The following SCAMP2 variants were observed in gnomAD, a reference collection of about 807,000 sequenced individuals.
SCAMP2 encodes secretory carrier membrane protein 2.
Under a neutral mutation model 44.1 loss-of-function variants are expected in SCAMP2, and 25 were observed. The ratio of observed to expected loss-of-function variants is 0.57; its 90% CI spans 0.41 to 0.79. The LOEUF is 0.79. Ranked by LOEUF, SCAMP2 falls within the 30% of genes least tolerant of loss-of-function variation. The pLI, the probability that SCAMP2 is intolerant of heterozygous loss-of-function variation, is 0.00. For missense variants in SCAMP2, 355 were observed against 411.0 expected (o/e 0.86, Z 1.18); for synonymous variants, 156 against 166.0 (o/e 0.94, Z 0.46).
chr15:74,871,104 C>G (rs1227712117), intron 1 of SCAMP2, among the ~76,000 whole-genome samples: 1 of 152,156 alleles, frequency 6.6e-6, no homozygotes, highest in Non-Finnish European at 1.5e-5. Context: ...AGTTCAGCCC[C>G]TCATGGTGGA....
In SCAMP2 at chr15:74,850,646, A is replaced by T; in HGVS notation, c.500T>A (p.Leu167Gln). Residue 167 changes from leucine (L) to glutamine (Q), a missense_variant, in exon 6 of 9, where the codon CTG (leucine) becomes CAG (glutamine). Physicochemically the swap from Leu to Gln is moderately radical, Grantham distance 113 (BLOSUM62 -2). Transcript: ENST00000268099. Reference protein sequence around the residue: ...MLHSVTLFLNLLACLAWFSGN... With the variant: ...MLHSVTLFLNQLACLAWFSGN... ...CGAGAACCAGGCCAGGCAGGCAAGC[A>T]GGTTCAGAAACAGAGTCACTGAATG... The T allele has an allele frequency of 6.2e-7, 1 of 1,614,092 alleles. No homozygotes were observed. Among genetic ancestry groups the T allele is most frequent in the Non-Finnish European group, 8.5e-7 (1 of 1,179,966 alleles).
intron 1 of SCAMP2, among the ~76,000 whole-genome samples, chr15:74,856,262 TTC>T (rs954210474): frequency 6.1e-5 from 8 of 131,808 alleles, no homozygotes; most frequent in African/African-American, 1.8e-4. Flanking sequence ...GCAGAGCCAG[TTC>T]TTTTTTTTTT....
At chr15:74,853,052 T>A (rs1029031324) in intron 3 of SCAMP2, 25 of 247,426 alleles carry the variant, frequency 1.0e-4, no homozygotes, top group African/African-American at 5.7e-4. Context: ...CACACACACA[T>A]GTATACACAC....
chr15:74,845,307 G>T, intron 8 of SCAMP2, 90 bp from the exon 9 acceptor site: 1 of 1,585,718 alleles, frequency 6.3e-7, no homozygotes. Context: ...GGGGTCACCA[G>T]AAGCCTGGCA....
chr15:74,857,400 C>T (rs530310347), intron 1 of SCAMP2, among the ~76,000 whole-genome samples: 7 of 152,356 alleles, frequency 4.6e-5, no homozygotes, highest in African/African-American at 1.7e-4. Context: ...ATCTGGCTTC[C>T]TGCAAGGAAG....
chr15:74,848,918 C>A (rs1234941237), intron 6 of SCAMP2, among the ~76,000 whole-genome samples: 2 of 152,060 alleles, frequency 1.3e-5, no homozygotes, highest in Non-Finnish European at 2.9e-5. Flanking sequence ...TTTAAGGGGT[C>A]AGTGCTTGAC....
At chr15:74,865,793 A>AAC (rs2064538303) in intron 1 of SCAMP2, among the ~76,000 whole-genome samples, 1 of 149,650 alleles carries the variant, frequency 6.7e-6, no homozygotes, top group African/African-American at 2.5e-5. Flanking sequence ...TCCAAAAAAA[A>AAC]AAAAAAAAAA....
At chr15:74,862,821 CAAAAAAAAAA>C (rs71434242) in intron 1 of SCAMP2, among the ~76,000 whole-genome samples, 1 of 26,372 alleles carries the variant, frequency 3.8e-5, no homozygotes, top group Non-Finnish European at 7.1e-5. Flanking sequence ...GACTCCATCT[CAAAAAAAAAA>C]AAAAAAACAA....
chr15:74,850,622 G>A lies in SCAMP2; in HGVS notation c.524C>T (p.Ser175Leu), dbSNP rs756198773. ...LNLLACLAWF[S>L]GNSSKGVDFG... ...GTCCACTCCCTTGGAGCTGTTGCCC[G>A]AGAACCAGGCCAGGCAGGCAAGCAG... Residue 175 changes from serine to leucine, a missense_variant, in exon 6 of 9, where the codon TCG becomes TTG. Transcript: ENST00000268099. The A allele has an allele frequency of 7.4e-6, 12 of 1,614,022 alleles. No homozygotes were observed. Among genetic ancestry groups the A allele is most frequent in the South Asian group, 4.4e-5 (4 of 91,090 alleles).
intron 7 of SCAMP2, among the ~76,000 whole-genome samples, chr15:74,847,920 G>T (rs757044253): frequency 6.6e-6 from 1 of 152,174 alleles, no homozygotes; most frequent in Non-Finnish European, 1.5e-5. Context: ...GTCTGCAAAG[G>T]CCTGGGCATC....
intron 1 of SCAMP2, among the ~76,000 whole-genome samples, chr15:74,862,851 C>CAT (rs1331046608): frequency 9.5e-5 from 2 of 20,990 alleles, no homozygotes; most frequent in Non-Finnish European, 3.3e-4. Flanking sequence ...AAAAACAAAC[C>CAT]ATACACACAC....
chr15:74,866,018 A>G (rs1433500351), intron 1 of SCAMP2, among the ~76,000 whole-genome samples: 263 of 52,530 alleles, frequency 5.0e-3, no homozygotes, highest in African/African-American at 9.5e-3. Flanking sequence ...AAGGAAGGAA[A>G]GGAGGGAGGG....
At position 74,844,784 on chromosome 15, in the gene SCAMP2, CTGTG is replaced by C; in HGVS notation, c.*295_*298del. 3.4e-6 allele frequency: 1 copy of C among 295,604 alleles called. No individual in the cohort carries two copies. Among genetic ancestry groups the C allele is most frequent in the South Asian group, 4.8e-5 (1 of 20,982 alleles). The allele number at this position is 295,604 out of a possible 1,614,324, so 18.3% of individuals were successfully genotyped here. The stretch of plus-strand genomic sequence containing the variant: ...TGTGATCCCAACTGTGTGGGGGTGT[CTGTG>C]TGTGCACAGGACGAAGAGAACTTCA... On this transcript the variant is annotated 3_prime_UTR_variant, in exon 9 of 9. Transcript: ENST00000268099.
chr15:74,849,227 T>G (rs1035412635), intron 6 of SCAMP2, among the ~76,000 whole-genome samples: 1 of 152,080 alleles, frequency 6.6e-6, no homozygotes, highest in African/African-American at 2.4e-5. Flanking sequence ...ATAATAAAAC[T>G]GTATGAGGCC....
chr15:74,856,784 T>TG (rs1442284522), intron 1 of SCAMP2, among the ~76,000 whole-genome samples: 2 of 151,816 alleles, frequency 1.3e-5, no homozygotes, highest in Non-Finnish European at 2.9e-5. Context: ...TTTGTAGAGA[T>TG]GGGGTCTTGC....
chr15:74,848,759 C>T, intron 6 of SCAMP2, 58 bp from the exon 7 acceptor site: 4 of 1,286,874 alleles, frequency 3.1e-6, no homozygotes, highest in Non-Finnish European at 4.4e-6. Flanking sequence ...CCTCAGCATC[C>T]TTACTTGGTG....
chr15:74,859,987 G>A (rs538775391), intron 1 of SCAMP2, among the ~76,000 whole-genome samples: 198 of 152,268 alleles, frequency 1.3e-3, no homozygotes, highest in Non-Finnish European at 2.5e-3. Flanking sequence ...AGGGCCAGCC[G>A]GGCACGGTGG....
At chr15:74,863,489 T>G (rs2064522398) in intron 1 of SCAMP2, among the ~76,000 whole-genome samples, 1 of 147,618 alleles carries the variant, frequency 6.8e-6, no homozygotes, top group Admixed American at 6.8e-5. Flanking sequence ...CTGGCCTGGG[T>G]GACAGAGACA....
rs2064412833 is a variant in SCAMP2 at position 74,848,353 on chromosome 15, C to T, written c.734+247G>A. ...AAAGTACTGGGATTCCAGGCATGAG[C>T]CACTGCACCTGACCAATAGTGAGTG... is the stretch of plus-strand genomic sequence containing the variant. On this transcript the variant is annotated intron_variant, in intron 7 of 8. Coordinates refer to ENST00000268099, the MANE Select transcript of SCAMP2 (RefSeq NM_005697.5). The T allele has an allele frequency of 1.7e-5, 6 of 344,766 alleles. No homozygotes were observed. The South Asian group carries it at 2.8e-4, about 16-fold the overall frequency. 21.4% of individuals were successfully genotyped at this position (344,766 alleles called of 1,614,324 possible). A position where few individuals can be genotyped will look rare whatever the true frequency, so the allele number is the denominator to read the frequency against.
Sources: allele counts gnomAD v4.1 joint callset (sites outside exome capture counted in the v4.1 genomes callset), GRCh38; gene constraint gnomAD v4.1.1; transcripts MANE v1.5; gene names NCBI Gene and HGNC (gene_info 2026-07-23, HGNC 2026-07-21).